Variants in ABCA12 observed in about 807,000 individuals in gnomAD.
The protein encoded by ABCA12 is glucosylceramide transporter ABCA12.
A neutral mutation model predicts 293.5 loss-of-function variants in ABCA12; 156 were observed. The observed-to-expected ratio is 0.53, with a 90% CI of 0.47 to 0.61. The LOEUF (loss-of-function observed/expected upper bound fraction) is 0.61, where lower values mean the gene tolerates loss of function less well. ABCA12 is among the 20% of genes least tolerant of loss of function. The pLI, the probability that ABCA12 is intolerant of heterozygous loss-of-function variation, is 0.00. For missense variants in ABCA12, 2,797 were observed against 3,090.2 expected (o/e 0.91, Z 2.25); for synonymous variants, 1,063 against 1,108.0 (o/e 0.96, Z 0.81).
chr2:215,135,007 C>T lies in ABCA12; in HGVS notation c.69+3133G>A, dbSNP rs150589919. ...TGAGACAGAGTTTCACTGTTACCCA[C>T]GCTGGAGTGCAGTGGCACAATCTCA... On this transcript the variant is annotated intron_variant, in intron 1 of 52. Transcript: ENST00000272895. Among the ~76,000 whole-genome samples the T allele has an allele frequency of 4.6e-5, 7 of 152,108 alleles. No homozygotes were observed. The South Asian group carries it at 6.2e-4, about 14-fold the overall frequency.
rs369241074 is a variant in ABCA12, at chr2:214,983,815, T to C, written c.4214A>G (p.Tyr1405Cys). ...FGASAGTIFVYGKDIKTDLHT... is the reference protein window; with the variant it reads ...FGASAGTIFVCGKDIKTDLHT... Reference sequence around the variant, plus strand: ...TAGGTCTGTTTTGATATCTTTTCCATATACAAAAATGGTGCCTGCTGAGGC... The same window carrying C: ...TAGGTCTGTTTTGATATCTTTTCCACATACAAAAATGGTGCCTGCTGAGGC... The change falls in exon 29 of 53, where the codon TAT (tyrosine) becomes TGT (cysteine). Residue 1405 changes from tyrosine to cysteine, a missense_variant. Around this residue, in one of 3 missense-constraint regions of ABCA12, gnomAD observed 2,130 missense variants for 2,427.0 expected, o/e 0.88. Coordinates refer to ENST00000272895, the MANE Select transcript of ABCA12 (RefSeq NM_173076.3). The C allele has an allele frequency of 1.7e-5, 28 of 1,613,920 alleles. No individual in the cohort carries two copies. Among genetic ancestry groups the C allele is most frequent in the Non-Finnish European group, 2.4e-5 (28 of 1,180,028 alleles).
At chr2:215,001,791 G>A (rs76579384) in intron 20 of ABCA12, 54 bp from the exon 21 acceptor site, 50 of 1,482,358 alleles carry the variant, frequency 3.4e-5, no homozygotes, top group South Asian at 1.8e-4. Context: ...GATTCTGGTC[G>A]TAATTAGATG....
chr2:214,980,293 T>C (rs1699617924), intron 31 of ABCA12, among the ~76,000 whole-genome samples, 190 bp downstream of exon 31: 1 of 152,158 alleles, frequency 6.6e-6, no homozygotes, highest in African/African-American at 2.4e-5. Context: ...CAGACACTCT[T>C]GGGGTGGGGC....
At chr2:215,101,628 A>G (rs1702358660) in intron 2 of ABCA12, among the ~76,000 whole-genome samples, 1 of 152,162 alleles carries the variant, frequency 6.6e-6, no homozygotes, top group South Asian at 2.1e-4. Context: ...TTTCTCCTAA[A>G]TTGTGTAAAT....
rs534356316 is a variant in ABCA12 at position 215,128,665 on chromosome 2, G to A, written c.69+9475C>T. Among the ~76,000 whole-genome samples, 299 of 151,660 alleles carry A rather than the reference G, an allele frequency of 2.0e-3. 6 individuals carry two copies. Among genetic ancestry groups the A allele is most frequent in the Non-Finnish European group, 1.5e-3 (102 of 67,934 alleles). On this transcript the variant is annotated intron_variant, in intron 1 of 52. Transcript: ENST00000272895. ...TAATTTTGTATTTTTTTTTCTTAAA[G>A]CTATCTATTTCCTTGAATATTTCTC...
rs768276193 is a variant in ABCA12 at position 215,012,118 on chromosome 2, T to C, written c.1974A>G (p.Lys658=). The change falls in exon 16 of 53, where the codon AAA becomes AAG. Residue 658 remains lysine (K), a synonymous_variant. Transcript: ENST00000272895. ...TCATCTTTTCTACTGGCTTTTGATCTTTCCTCGGGAAAAACACCTAACAGA... is the reference window on the plus strand; with the variant it reads ...TCATCTTTTCTACTGGCTTTTGATCCTTCCTCGGGAAAAACACCTAACAGA... The part of the protein sequence containing the change: ...NFTYKVFFPR[K]DQKPVEKMME... 2 of 1,613,960 alleles carry C rather than the reference T, an allele frequency of 1.2e-6. No homozygotes were observed. Among genetic ancestry groups the C allele is most frequent in the South Asian group, 2.2e-5 (2 of 91,074 alleles).
intron 6 of ABCA12, among the ~76,000 whole-genome samples, chr2:215,048,439 A>G (rs1701246917): frequency 1.3e-5 from 2 of 152,130 alleles, no homozygotes; most frequent in South Asian, 4.1e-4. Context: ...TCACGTCTAT[A>G]ATCCCAGCAC....
intron 18 of ABCA12, among the ~76,000 whole-genome samples, 153 bp downstream of exon 18, chr2:215,010,178 T>C (rs1006648953): frequency 6.9e-6 from 1 of 144,498 alleles, no homozygotes; most frequent in Admixed American, 6.7e-5. Context: ...AGGGCAGAAG[T>C]TGAGAATTTT....
intron 2 of ABCA12, among the ~76,000 whole-genome samples, chr2:215,104,801 G>A (rs977699359): frequency 3.3e-5 from 5 of 152,094 alleles, no homozygotes; most frequent in South Asian, 2.1e-4. Context: ...GAACTCTTTC[G>A]TATTTGTGAT....
At chr2:214,959,196 G>A in intron 39 of ABCA12, 118 bp from the exon 40 acceptor site, 1 of 916,952 alleles carries the variant, frequency 1.1e-6, no homozygotes, top group Non-Finnish European at 1.7e-6. Context: ...AATTTTATTT[G>A]GGGGACCTTT....
At chr2:215,080,570 TCTTA>T (rs1483180656) in intron 2 of ABCA12, among the ~76,000 whole-genome samples, 1 of 152,080 alleles carries the variant, frequency 6.6e-6, no homozygotes, top group Non-Finnish European at 1.5e-5. Flanking sequence ...TAAGACACAT[TCTTA>T]CTTAAATTTC....
chr2:214,940,543 C>T (rs1200759521), intron 50 of ABCA12, among the ~76,000 whole-genome samples: 1 of 152,098 alleles, frequency 6.6e-6, no homozygotes, highest in African/African-American at 2.4e-5. Flanking sequence ...GGAATGGTAC[C>T]AGCTCCTCTT....
intron 1 of ABCA12, among the ~76,000 whole-genome samples, chr2:215,131,358 T>C (rs1703051081): frequency 1.3e-5 from 2 of 152,096 alleles, no homozygotes; most frequent in African/African-American, 4.8e-5. Flanking sequence ...TGAATCCATC[T>C]TGTCCTGGGC....
intron 21 of ABCA12, 91 bp from the exon 22 acceptor site, chr2:215,001,111 A>C (rs537075408): frequency 7.3e-6 from 9 of 1,226,690 alleles, no homozygotes; most frequent in Middle Eastern, 2.6e-4. Context: ...ACAGCCAAAC[A>C]GTCAATTGAG....
intron 42 of ABCA12, 21 bp from the exon 43 acceptor site, chr2:214,955,382 G>C (rs1335952383): frequency 6.2e-7 from 1 of 1,613,388 alleles, no homozygotes; most frequent in African/African-American, 1.3e-5. Flanking sequence ...AAAACACAAA[G>C]AATTAAAATT....
At chr2:214,940,315 G>C (rs572832839) in intron 50 of ABCA12, among the ~76,000 whole-genome samples, 30 of 152,112 alleles carry the variant, frequency 2.0e-4, no homozygotes, top group Admixed American at 3.3e-4. Context: ...AGATGAAGCC[G>C]ACTTGATCAT....
At chr2:215,002,057 G>T (rs931130791) in intron 20 of ABCA12, among the ~76,000 whole-genome samples, 14 of 152,272 alleles carry the variant, frequency 9.2e-5, no homozygotes, top group Admixed American at 9.2e-4. Context: ...TCTACATGTA[G>T]TTAGGACAAA....
At chr2:215,002,506 G>A (rs769666317) in intron 20 of ABCA12, among the ~76,000 whole-genome samples, 3 of 152,184 alleles carry the variant, frequency 2.0e-5, no homozygotes, top group Non-Finnish European at 4.4e-5. Context: ...TGATCATCAT[G>A]AATGCTGAGA....
chr2:215,108,813 T>C (rs1256270865), intron 2 of ABCA12, among the ~76,000 whole-genome samples: 2 of 152,198 alleles, frequency 1.3e-5, no homozygotes, highest in African/African-American at 4.8e-5. Flanking sequence ...CTCATGCCTG[T>C]AATCCCAGCA....
Sources: allele counts gnomAD v4.1 joint callset (sites outside exome capture counted in the v4.1 genomes callset), GRCh38; gene constraint gnomAD v4.1.1; regional missense constraint gnomAD v4.1.1; transcripts MANE v1.5; gene names NCBI Gene and HGNC (gene_info 2026-07-23, HGNC 2026-07-21).